Variants in FDX1 observed in about 807,000 individuals in gnomAD.
FDX1 encodes the protein adrenodoxin, mitochondrial.
FDX1 carries 9 observed loss-of-function variants against 14.9 expected under a neutral mutation model. The observed-to-expected ratio is 0.60, with a 90% CI of 0.36 to 1.05. The LOEUF (loss-of-function observed/expected upper bound fraction) is 1.05, where lower values mean the gene tolerates loss of function less well. Ranked by LOEUF, FDX1 falls within the 50% of genes least tolerant of loss-of-function variation. The pLI is 0.01. For synonymous variants in FDX1, 92 were observed against 99.4 expected, an observed-to-expected ratio of 0.93 and a Z score of 0.44; for missense variants, 204 against 237.2, an observed-to-expected ratio of 0.86 and a Z score of 0.92.
intron 3 of FDX1, among the ~76,000 whole-genome samples, chr11:110,458,441 C>T (rs1469406896): frequency 1.3e-5 from 2 of 152,002 alleles, no homozygotes; most frequent in Non-Finnish European, 2.9e-5. Flanking sequence ...AACACATTGA[C>T]ATATTTGGAA....
chr11:110,432,998 T>C lies in FDX1; in HGVS notation c.185+2693T>C, dbSNP rs559633945. ...TTAATCAGTGTGTGTTGAATTCTAC[T>C]ATGTGTTACGTATTTTGCATACATT... On this transcript the variant is annotated intron_variant, in intron 1 of 3. Transcript: ENST00000260270. Among the ~76,000 whole-genome samples, 5 of 152,344 alleles carry C rather than the reference T, an allele frequency of 3.3e-5. No individual in the cohort carries two copies. The South Asian group carries it at 6.2e-4, about 19-fold the overall frequency.
At chr11:110,453,495 C>T (rs1258142083) in intron 2 of FDX1, among the ~76,000 whole-genome samples, 4 of 150,130 alleles carry the variant, frequency 2.7e-5, no homozygotes. Flanking sequence ...CTTAAATAGC[C>T]TCTTGTTCTT....
intron 2 of FDX1, among the ~76,000 whole-genome samples, chr11:110,446,874 C>T (rs182699712): frequency 1.3e-4 from 20 of 152,178 alleles, no homozygotes; most frequent in Admixed American, 2.6e-4. Context: ...ATGTCAGTCC[C>T]CTGATTAAAA....
intron 3 of FDX1, among the ~76,000 whole-genome samples, chr11:110,458,894 C>T (rs368454239): frequency 8.5e-5 from 13 of 152,254 alleles, no homozygotes; most frequent in Middle Eastern, 3.4e-3. Context: ...CGTGAGCCAC[C>T]GTGCCTGGCT....
At chr11:110,460,573 T>C (rs1946550328) in intron 3 of FDX1, among the ~76,000 whole-genome samples, 1 of 152,216 alleles carries the variant, frequency 6.6e-6, no homozygotes, top group African/African-American at 2.4e-5. Flanking sequence ...AGGGCTTTCT[T>C]CTTAGACCTC....
intron 2 of FDX1, among the ~76,000 whole-genome samples, chr11:110,453,730 A>G (rs560105447): frequency 1.3e-5 from 2 of 152,142 alleles, no homozygotes; most frequent in Non-Finnish European, 1.5e-5. Flanking sequence ...TTACTTTTCT[A>G]TTTTTTAAAT....
intron 2 of FDX1, among the ~76,000 whole-genome samples, chr11:110,449,325 T>C (rs1946471695): frequency 6.6e-6 from 1 of 152,178 alleles, no homozygotes; most frequent in Non-Finnish European, 1.5e-5. Context: ...CACCAGGGGC[T>C]AATATCAGTG....
chr11:110,449,660 C>T (rs773197525), intron 2 of FDX1, among the ~76,000 whole-genome samples: 3 of 152,092 alleles, frequency 2.0e-5, no homozygotes, highest in Non-Finnish European at 4.4e-5. Flanking sequence ...CAGAGTCTTA[C>T]TCTGTCACTC....
intron 2 of FDX1, among the ~76,000 whole-genome samples, chr11:110,449,189 T>C (rs1013661755): frequency 2.6e-5 from 4 of 152,194 alleles, no homozygotes; most frequent in African/African-American, 9.6e-5. Context: ...ACTGTTAATT[T>C]AGGAGAAAGC....
chr11:110,434,343 T>TGC lies in FDX1; in HGVS notation c.186-1491_186-1490insGC, dbSNP rs1454159443. Among the ~76,000 whole-genome samples, 25 of 150,538 alleles carry TGC rather than the reference T, an allele frequency of 1.7e-4. 1 individual carries two copies. Among genetic ancestry groups the TGC allele is most frequent in the South Asian group, 2.1e-4 (1 of 4,700 alleles). ...AGCAATCGCCCTATTGATTTTTTTT[T>TGC]TTTTTTTTTTGGAGACAGAGTTTCA... On this transcript the variant is annotated intron_variant, in intron 1 of 3. Transcript: ENST00000260270.
chr11:110,433,560 T>G (rs182163235), intron 1 of FDX1, among the ~76,000 whole-genome samples: 2 of 152,326 alleles, frequency 1.3e-5, no homozygotes, highest in Admixed American at 1.3e-4. Flanking sequence ...TTTGATAACC[T>G]CCAAAGTGGC....
rs1327457549 is a variant in FDX1, at chr11:110,462,390, T to A, written c.477T>A (p.Ser159=). The A allele has an allele frequency of 1.2e-6, 2 of 1,612,368 alleles. No individual in the cohort carries two copies. Among genetic ancestry groups the A allele is most frequent in the Admixed American group, 3.3e-5 (2 of 60,012 alleles). Residue 159 remains serine, a synonymous_variant, in exon 4 of 4, where the codon TCT becomes TCA. Coordinates refer to ENST00000260270, the MANE Select transcript of FDX1 (RefSeq NM_004109.5). ...RLGCQICLTK[S]MDNMTVRVPE... Reference sequence around the variant, plus strand: ...GCTGCCAAATCTGTTTGACAAAATCTATGGACAATATGACTGTTCGAGTGC... The same window carrying A: ...GCTGCCAAATCTGTTTGACAAAATCAATGGACAATATGACTGTTCGAGTGC...
In FDX1 at chr11:110,462,605, A is replaced by AC; in HGVS notation, c.*138dup. 1 of 417,732 alleles carries AC rather than the reference A, an allele frequency of 2.4e-6. No homozygotes were observed. The highest frequency in any genetic ancestry group is 4.2e-5 in the Admixed American group (1 of 23,942). The allele number at this position is 417,732 out of a possible 1,614,324, so 25.9% of individuals were successfully genotyped here. A position where few individuals can be genotyped will look rare whatever the true frequency, so the allele number is the denominator to read the frequency against. On this transcript the variant is annotated 3_prime_UTR_variant, in exon 4 of 4. Coordinates refer to ENST00000260270, the MANE Select transcript of FDX1 (RefSeq NM_004109.5). The stretch of plus-strand genomic sequence containing the variant: ...TTACTATTTTAATTCACCTTGCATA[A>AC]CTACTGAATTTTGTCATTCTTGAAA...
Position 110,430,134 on chromosome 11 carries a change from G to C in FDX1, c.14G>C (p.Gly5Ala). The C allele has an allele frequency of 8.1e-7, 1 of 1,240,076 alleles. No homozygotes were observed. Among genetic ancestry groups the C allele is most frequent in the Non-Finnish European group, 1.0e-6 (1 of 995,074 alleles). The allele number at this position is 1,240,076 out of a possible 1,614,324, so 76.8% of individuals were successfully genotyped here. ...CGACCGCGGGCGATGGCTGCCGCTGGGGGCGCCCGGCTGCTGCGCGCCGCT... is the reference window on the plus strand; with the variant it reads ...CGACCGCGGGCGATGGCTGCCGCTGCGGGCGCCCGGCTGCTGCGCGCCGCT... Reference protein sequence around the residue: MAAAGGARLLRAASA... With the variant: MAAAAGARLLRAASA... The change falls in exon 1 of 4, where the codon GGG becomes GCG. Residue 5 changes from glycine (G) to alanine (A), a missense_variant. Transcript: ENST00000260270.
chr11:110,445,274 G>T (rs994782153), intron 2 of FDX1, among the ~76,000 whole-genome samples: 1 of 152,120 alleles, frequency 6.6e-6, no homozygotes, highest in Non-Finnish European at 1.5e-5. Context: ...TAAATAATTT[G>T]TGTGGATTGC....
At chr11:110,439,218 C>G (rs955496452) in intron 2 of FDX1, among the ~76,000 whole-genome samples, 14 of 150,914 alleles carry the variant, frequency 9.3e-5, no homozygotes, top group African/African-American at 3.4e-4. Context: ...CCACTTCCCC[C>G]CAACCCCGAG....
rs1591250724 is a variant in FDX1, at chr11:110,446,188, A to C, written c.310+10230A>C. On this transcript the variant is annotated intron_variant, in intron 2 of 3. Coordinates refer to ENST00000260270, the MANE Select transcript of FDX1 (RefSeq NM_004109.5). ...TAAGCTTCTTTCTAGAATAAAGATG[A>C]GAGAAATGAAATCAGGAAGGGTGCA... 3.3e-5 allele frequency among the ~76,000 whole-genome samples: 5 copies of C among 152,336 alleles called. No individual in the cohort carries two copies. The South Asian group carries it at 1.0e-3, about 32-fold the overall frequency.
At chr11:110,453,276 T>C (rs912693833) in intron 2 of FDX1, among the ~76,000 whole-genome samples, 1 of 152,046 alleles carries the variant, frequency 6.6e-6, no homozygotes, top group South Asian at 2.1e-4. Flanking sequence ...AGGCGGAGGT[T>C]GCCGTGAGCC....
At chr11:110,454,978 G>T (rs1459916504) in intron 2 of FDX1, among the ~76,000 whole-genome samples, 1 of 152,166 alleles carries the variant, frequency 6.6e-6, no homozygotes, top group Admixed American at 6.6e-5. Flanking sequence ...TGAAGATTTA[G>T]AGAAACTTCA....
Sources: gnomAD v4.1 joint callset for allele counts (sites outside exome capture counted in the v4.1 genomes callset) on GRCh38, gnomAD v4.1.1 for gene constraint, MANE v1.5 for transcripts, NCBI Gene and HGNC (gene_info 2026-07-23, HGNC 2026-07-21) for gene names.